The following BLM variants were observed in gnomAD, a reference collection of about 807,000 sequenced individuals.
BLM encodes recQ-like DNA helicase BLM.
In BLM, 95 loss-of-function variants were observed where a neutral mutation model predicts 135.3. The ratio of observed to expected loss-of-function variants is 0.70; its 90% confidence interval spans 0.59 to 0.83. BLM has a LOEUF of 0.83. Among genes scored for constraint, BLM ranks in the 40% least tolerant of loss-of-function variants. The pLI, the probability that BLM is intolerant of heterozygous loss-of-function variation, is 0.00. For synonymous variants in BLM, 520 were observed against 589.2 expected, an observed-to-expected ratio of 0.88 and a Z score of 1.70; for missense variants, 1,518 against 1,663.9, an observed-to-expected ratio of 0.91 and a Z score of 1.53.
chr15:90,743,703 C>A (rs570679879), intron 1 of BLM, among the ~76,000 whole-genome samples: 4 of 152,078 alleles, frequency 2.6e-5, no homozygotes, highest in Admixed American at 2.0e-4. Flanking sequence ...GAACAATTTT[C>A]TTTTTGTGTC....
At chr15:90,765,463 T>G in intron 9 of BLM, 49 bp downstream of exon 9, 1 of 1,374,006 alleles carries the variant, frequency 7.3e-7, no homozygotes, top group Non-Finnish European at 1.0e-6. Flanking sequence ...ACAATTAAAT[T>G]TCAGTCCTCT....
intron 17 of BLM, among the ~76,000 whole-genome samples, chr15:90,801,220 G>A (rs999219350): frequency 3.3e-5 from 5 of 152,024 alleles, no homozygotes; most frequent in African/African-American, 9.7e-5. Context: ...TGACATGATG[G>A]GTAAACATTC....
In BLM at chr15:90,777,408, C is replaced by T. The variant is rs888017879; in HGVS notation, c.2556-5414C>T. Among the ~76,000 whole-genome samples, 4 of 152,336 alleles carry T rather than the reference C, an allele frequency of 2.6e-5. No individual in the cohort carries two copies. The South Asian group carries it at 6.2e-4, about 24-fold the overall frequency. On this transcript the variant is annotated intron_variant, in intron 12 of 21. Transcript: ENST00000355112. Reference sequence around the variant, plus strand: ...CCTCAGGTGATCTGCCCGCCTCGGCCTCTGAAAGTGCTGGGATTAGAGGCG... The same window carrying T: ...CCTCAGGTGATCTGCCCGCCTCGGCTTCTGAAAGTGCTGGGATTAGAGGCG...
chr15:90,755,679 TC>T (rs1895799279), intron 5 of BLM, among the ~76,000 whole-genome samples: 1 of 152,182 alleles, frequency 6.6e-6, no homozygotes, highest in East Asian at 1.9e-4. Context: ...TTTTCACTCT[TC>T]CTGGAACTTC....
At chr15:90,790,186 C>T (rs1398134654) in intron 14 of BLM, 5 of 209,294 alleles carry the variant, frequency 2.4e-5, no homozygotes, top group African/African-American at 1.2e-4. Context: ...CGTATTGTTC[C>T]TGAACCATTG....
chr15:90,798,466 T>G, intron 17 of BLM, 129 bp downstream of exon 17: 1 of 918,454 alleles, frequency 1.1e-6, no homozygotes, highest in Non-Finnish European at 1.6e-6. Context: ...ATAAAACTTT[T>G]AAGTAACAAA....
chr15:90,738,254 T>C (rs767930824), intron 1 of BLM, among the ~76,000 whole-genome samples: 52 of 152,310 alleles, frequency 3.4e-4, no homozygotes, highest in Non-Finnish European at 5.1e-4. Context: ...CCAATTTTCC[T>C]CAAGCTCTTC....
chr15:90,793,561 T>G (rs920769282), intron 15 of BLM, among the ~76,000 whole-genome samples: 2 of 152,232 alleles, frequency 1.3e-5, no homozygotes, highest in African/African-American at 4.8e-5. Flanking sequence ...CTTGAGATAC[T>G]TCTTTTTATC....
At chr15:90,738,568 A>C (rs535644679) in intron 1 of BLM, among the ~76,000 whole-genome samples, 46 of 130,242 alleles carry the variant, frequency 3.5e-4, no homozygotes, top group African/African-American at 1.6e-3. Flanking sequence ...GTTTCAAAAA[A>C]CAAAACAAAA....
At position 90,749,835 on chromosome 15, in the gene BLM, T is replaced by G; in HGVS notation, c.567T>G (p.Gly189=). Residue 189 remains glycine (G), a synonymous_variant, in exon 3 of 22, where the codon GGT becomes GGG. Coordinates refer to ENST00000355112, the MANE Select transcript of BLM (RefSeq NM_000057.4). ...GCACTGCTCAGAAATCAAAAAAGGG[T>G]AAGAGAAACTTTTTTAAAGCACAGC... The part of the protein sequence containing the change: ...RVSTAQKSKK[G]KRNFFKAQLY... 1 of 1,592,588 alleles carries G rather than the reference T, an allele frequency of 6.3e-7. No individual in the cohort carries two copies. Among genetic ancestry groups the G allele is most frequent in the Non-Finnish European group, 8.5e-7 (1 of 1,170,720 alleles).
At chr15:90,780,450 G>T (rs1286450155) in intron 12 of BLM, among the ~76,000 whole-genome samples, 1 of 152,074 alleles carries the variant, frequency 6.6e-6, no homozygotes, top group African/African-American at 2.4e-5. Flanking sequence ...GAATTCCTGG[G>T]CTCAAGTGAT....
chr15:90,723,630 G>C (rs897046852), intron 1 of BLM, among the ~76,000 whole-genome samples: 6 of 152,114 alleles, frequency 3.9e-5, no homozygotes, highest in African/African-American at 1.4e-4. Context: ...TCTAGCCTGA[G>C]TGACAGAGCA....
rs1291479178 is a variant in BLM, at chr15:90,815,920, A to C, written c.*641A>C. Reference sequence around the variant, plus strand: ...TGGTGAAACCCCGTCTCTACTAAAAATACAAAAATTAGCCAGGCGTGGTGT... The same window carrying C: ...TGGTGAAACCCCGTCTCTACTAAAACTACAAAAATTAGCCAGGCGTGGTGT... On this transcript the variant is annotated 3_prime_UTR_variant, in exon 22 of 22. Coordinates refer to ENST00000355112, the MANE Select transcript of BLM (RefSeq NM_000057.4). This position sits in a 1 kb window ranked among gnomAD's most constrained non-coding sequence, Gnocchi z 4.6. 2 of 152,620 alleles carry C rather than the reference A, an allele frequency of 1.3e-5. No homozygotes were observed. The highest frequency in any genetic ancestry group is 2.9e-5 in the Non-Finnish European group (2 of 68,478). The allele number at this position is 152,620 out of a possible 1,614,324, so 9.5% of individuals were successfully genotyped here.
intron 14 of BLM, 101 bp downstream of exon 14, chr15:90,785,182 T>A: frequency 7.8e-7 from 1 of 1,283,978 alleles, no homozygotes; most frequent in Non-Finnish European, 1.1e-6. Flanking sequence ...TTGAAGGTAG[T>A]AAACATCAAA....
At chr15:90,778,569 G>A (rs1447356302) in intron 12 of BLM, among the ~76,000 whole-genome samples, 1 of 152,052 alleles carries the variant, frequency 6.6e-6, no homozygotes, top group Non-Finnish European at 1.5e-5. Context: ...CCACTAATCT[G>A]CTTTCTATGT....
In BLM at chr15:90,768,122, T is replaced by C. The variant is rs539372539; in HGVS notation, c.2308-1011T>C. Among the ~76,000 whole-genome samples the C allele has an allele frequency of 2.9e-3, 439 of 152,100 alleles. 1 individual carries two copies. The highest frequency in any genetic ancestry group is 4.8e-3 in the Non-Finnish European group (326 of 67,978). On this transcript the variant is annotated intron_variant, in intron 10 of 21. Transcript: ENST00000355112. ...GATACCTGGCTAATTTTTGTATTTT[T>C]AGTAGAGATGGGGTTTCACCATCTT...
intron 4 of BLM, among the ~76,000 whole-genome samples, chr15:90,754,089 C>G (rs955621779): frequency 6.6e-6 from 1 of 152,142 alleles, no homozygotes; most frequent in South Asian, 2.1e-4. Context: ...TGACACTTTC[C>G]CCATACTTGT....
rs1277229461 is a variant in BLM, at chr15:90,815,167, C to T, written c.4142C>T (p.Ser1381Leu). The stretch of plus-strand genomic sequence containing the variant: ...TCCTCCAGCATCATTGGATCCAGTT[C>T]AGCCTCACATACTTCTCAAGCGACA... ...TKSSSIIGSS[S>L]ASHTSQATSG... is the part of the protein sequence containing the mutation. Residue 1381 changes from serine to leucine, a missense_variant, in exon 22 of 22, where the codon TCA becomes TTA. Physicochemically the swap from Ser to Leu is moderately radical, Grantham distance 145. Coordinates refer to ENST00000355112, the MANE Select transcript of BLM (RefSeq NM_000057.4). The surrounding 1 kb of genome is among the most constrained non-coding windows in gnomAD (Gnocchi z 4.6). The T allele has an allele frequency of 6.2e-7, 1 of 1,614,160 alleles. No individual in the cohort carries two copies. Among genetic ancestry groups the T allele is most frequent in the East Asian group, 2.2e-5 (1 of 44,882 alleles).
At chr15:90,782,323 G>T (rs1896635186) in intron 12 of BLM, among the ~76,000 whole-genome samples, 1 of 152,180 alleles carries the variant, frequency 6.6e-6, no homozygotes, top group Non-Finnish European at 1.5e-5. Flanking sequence ...AGCAGGCAGA[G>T]GTTGTAGTGA....
Sources: allele counts gnomAD v4.1 joint callset (sites outside exome capture counted in the v4.1 genomes callset), GRCh38; gene constraint gnomAD v4.1.1; non-coding constraint Gnocchi (gnomAD v3.1); transcripts MANE v1.5; gene names NCBI Gene and HGNC (gene_info 2026-07-23, HGNC 2026-07-21).